Variants in EIF3M observed in about 807,000 individuals in gnomAD.
EIF3M encodes eukaryotic translation initiation factor 3 subunit M.
In EIF3M, 25 loss-of-function variants were observed where a neutral mutation model predicts 49.7. The observed-to-expected ratio is 0.50, with a 90% CI of 0.37 to 0.70. The LOEUF (loss-of-function observed/expected upper bound fraction) is 0.70, where lower values mean the gene tolerates loss of function less well. Ranked by LOEUF, EIF3M falls within the 30% of genes least tolerant of loss-of-function variation. The pLI is 0.00. For missense variants in EIF3M, 350 were observed against 440.0 expected, an observed-to-expected ratio of 0.80 and a Z score of 1.83; for synonymous variants, 156 against 149.8, an observed-to-expected ratio of 1.04 and a Z score of -0.30.
At chr11:32,593,064 T>C (rs2133198545) in intron 5 of EIF3M, among the ~76,000 whole-genome samples, 1 of 152,344 alleles carries the variant, frequency 6.6e-6, no homozygotes. Context: ...AGATAGCATT[T>C]ACCATTTTAA....
rs751408236 is a variant in EIF3M at position 32,588,663 on chromosome 11, T to G, written c.245T>G (p.Leu82Trp). 2 of 1,614,214 alleles carry G rather than the reference T, an allele frequency of 1.2e-6. No individual in the cohort carries two copies. Among genetic ancestry groups the G allele is most frequent in the Admixed American group, 1.7e-5 (1 of 60,020 alleles). ...CTGGAACCAGACAAGCAAGAAGCTT[T>G]GATTGAAAGCCTATGTGAAAAGCTG... ...LILEPDKQEA[L>W]IESLCEKLVK... The change falls in exon 3 of 11, where the codon TTG becomes TGG. Residue 82 changes from leucine (L) to tryptophan (W), a missense_variant. By Grantham distance (61) the Leu-to-Trp change is moderately conservative. Coordinates refer to ENST00000531120, the MANE Select transcript of EIF3M (RefSeq NM_006360.6).
chr11:32,594,773 C>G, intron 6 of EIF3M, 141 bp from the exon 7 acceptor site: 1 of 620,174 alleles, frequency 1.6e-6, no homozygotes, highest in South Asian at 2.5e-5. Flanking sequence ...TTAACCCAAT[C>G]CTGTAGCTTT....
intron 4 of EIF3M, 72 bp downstream of exon 4, chr11:32,589,207 A>G: frequency 2.5e-6 from 4 of 1,569,864 alleles, no homozygotes; most frequent in Non-Finnish European, 3.4e-6. Flanking sequence ...ACGGAGTTTC[A>G]CTGTTGTTGC....
At position 32,583,842 on chromosome 11, in the gene EIF3M, G is replaced by A; in HGVS notation, c.-46G>A. Reference sequence around the variant, plus strand: ...CGCGGCCCAGTTCCCTTTTCCGGTCGGCGTGGTCTTGCGAGTGGAGTGTCC... The same window carrying A: ...CGCGGCCCAGTTCCCTTTTCCGGTCAGCGTGGTCTTGCGAGTGGAGTGTCC... On this transcript the variant is annotated 5_prime_UTR_variant, in exon 1 of 11. Transcript: ENST00000531120. The A allele has an allele frequency of 1.2e-6, 2 of 1,602,052 alleles. No individual in the cohort carries two copies. Among genetic ancestry groups the A allele is most frequent in the Non-Finnish European group, 8.5e-7 (1 of 1,171,718 alleles).
In EIF3M at chr11:32,602,664, T is replaced by C. The variant is rs1370509078; in HGVS notation, c.*265T>C. Reference sequence around the variant, plus strand: ...ATAATATACAGAGAGAAGACAGAAGTAGAGTAATACAATTTCTTCACATTA... The same window carrying C: ...ATAATATACAGAGAGAAGACAGAAGCAGAGTAATACAATTTCTTCACATTA... On this transcript the variant is annotated 3_prime_UTR_variant, in exon 11 of 11. Coordinates refer to ENST00000531120, the MANE Select transcript of EIF3M (RefSeq NM_006360.6). 3 of 772,554 alleles carry C rather than the reference T, an allele frequency of 3.9e-6. No homozygotes were observed. In the African/African-American group the frequency reaches 5.3e-5, roughly 14 times the overall value. 47.9% of individuals were successfully genotyped at this position (772,554 alleles called of 1,614,324 possible).
chr11:32,592,983 G>A (rs942535855), intron 5 of EIF3M, among the ~76,000 whole-genome samples: 3 of 152,152 alleles, frequency 2.0e-5, no homozygotes, highest in African/African-American at 7.2e-5. Context: ...TTTAAGATGC[G>A]GGTTACCACT....
chr11:32,591,638 CTT>C (rs1225394156), intron 5 of EIF3M, among the ~76,000 whole-genome samples: 1 of 152,210 alleles, frequency 6.6e-6, no homozygotes. Flanking sequence ...GCTGCAGTAA[CTT>C]TTCTGACTGT....
chr11:32,601,024 A>G, intron 9 of EIF3M, 192 bp downstream of exon 9: 1 of 541,536 alleles, frequency 1.8e-6, no homozygotes. Flanking sequence ...GCTATATTCT[A>G]TCCCTTGAAA....
chr11:32,589,763 A>C (rs1271947169), intron 5 of EIF3M, 122 bp downstream of exon 5: 3 of 648,844 alleles, frequency 4.6e-6, no homozygotes, highest in Non-Finnish European at 7.5e-6. Context: ...AGTTGCTATA[A>C]ATCTATTTCT....
At chr11:32,601,025 TC>T (rs1301093397) in intron 9 of EIF3M, 193 bp downstream of exon 9, 1 of 540,906 alleles carries the variant, frequency 1.8e-6, no homozygotes, top group Non-Finnish European at 2.9e-6. Context: ...CTATATTCTA[TC>T]CCTTGAAATC....
At chr11:32,584,142 C>CA in intron 1 of EIF3M, 1 of 602,392 alleles carries the variant, frequency 1.7e-6, no homozygotes, top group Non-Finnish European at 2.9e-6. Flanking sequence ...CCCGACGCTT[C>CA]ACCGCCAGCT....
chr11:32,587,074 A>G lies in EIF3M; in HGVS notation c.105A>G (p.Glu35=), dbSNP rs2133192995. 1 of 1,612,904 alleles carries G rather than the reference A, an allele frequency of 6.2e-7. No homozygotes were observed. Among genetic ancestry groups the G allele is most frequent in the South Asian group, 1.1e-5 (1 of 90,966 alleles). Reference sequence around the variant, plus strand: ...CTGAGATTTCAGAAGAGAACTCGGAAGGTGGACTTCATGTTGATTTAGCTC... The same window carrying G: ...CTGAGATTTCAGAAGAGAACTCGGAGGGTGGACTTCATGTTGATTTAGCTC... ...KGAEISEENS[E]GGLHVDLAQI... The change falls in exon 2 of 11, where the codon GAA becomes GAG. Residue 35 remains glutamate, a synonymous_variant. Coordinates refer to ENST00000531120, the MANE Select transcript of EIF3M (RefSeq NM_006360.6).
At chr11:32,590,688 A>T (rs1272637673) in intron 5 of EIF3M, among the ~76,000 whole-genome samples, 1 of 152,136 alleles carries the variant, frequency 6.6e-6, no homozygotes, top group East Asian at 1.9e-4. Context: ...GCCAATCTAA[A>T]TGTTGAGAGT....
In EIF3M at chr11:32,593,961, C is replaced by T. The variant is rs1389546735; in HGVS notation, c.617+12C>T. The T allele has an allele frequency of 1.5e-5, 22 of 1,497,374 alleles. No individual in the cohort carries two copies. The highest frequency in any genetic ancestry group is 2.0e-5 in the Non-Finnish European group (22 of 1,120,216). 92.8% of individuals were successfully genotyped at this position (1,497,374 alleles called of 1,614,324 possible). A position where few individuals can be genotyped will look rare whatever the true frequency, so the allele number is the denominator to read the frequency against. On this transcript the variant is annotated intron_variant, in intron 6 of 10. Transcript: ENST00000531120. Reference sequence around the variant, plus strand: ...GTTGATGCCCACAGGTAATGTTAAACGTTACTCTGATGAGGGTTTGACAGC... The same window carrying T: ...GTTGATGCCCACAGGTAATGTTAAATGTTACTCTGATGAGGGTTTGACAGC...
chr11:32,593,085 A>G (rs1855127424), intron 5 of EIF3M, among the ~76,000 whole-genome samples: 2 of 152,254 alleles, frequency 1.3e-5, no homozygotes, highest in South Asian at 4.1e-4. Context: ...AATAAATGAT[A>G]CAGTTCCTGC....
In EIF3M at chr11:32,605,115, G is replaced by A. The variant is rs1855330778; in HGVS notation, c.*2716G>A. 1 of 149,910 alleles carries A rather than the reference G, an allele frequency of 6.7e-6. No individual in the cohort carries two copies. Among genetic ancestry groups the A allele is most frequent in the Admixed American group, 6.7e-5 (1 of 14,970 alleles). 9.3% of individuals were successfully genotyped at this position (149,910 alleles called of 1,614,324 possible). On this transcript the variant is annotated 3_prime_UTR_variant, in exon 11 of 11. Coordinates refer to ENST00000531120, the MANE Select transcript of EIF3M (RefSeq NM_006360.6). ...GATCCACCTGCCTCGGCCTCCCAAAGTGTTGGGATTACAGGCATGAGCCAC... is the reference window on the plus strand; with the variant it reads ...GATCCACCTGCCTCGGCCTCCCAAAATGTTGGGATTACAGGCATGAGCCAC...
rs367920217 is a variant in EIF3M at position 32,589,538 on chromosome 11, C to G, written c.439-9C>G. The stretch of plus-strand genomic sequence containing the variant: ...TACTCAGTTTTCTCCTTTTGTCAAT[C>G]TCTTGTAGGTTAGAAAATGGATTTC... On this transcript the variant is annotated splice_polypyrimidine_tract_variant and intron_variant, in intron 4 of 10. Transcript: ENST00000531120. The G allele has an allele frequency of 6.2e-7, 1 of 1,612,182 alleles. No homozygotes were observed. The highest frequency in any genetic ancestry group is 1.7e-5 in the Admixed American group (1 of 59,962).
chr11:32,587,108 G>A lies in EIF3M; in HGVS notation c.139G>A (p.Glu47Lys). 2 of 1,612,474 alleles carry A rather than the reference G, an allele frequency of 1.2e-6. No individual in the cohort carries two copies. The highest frequency in any genetic ancestry group is 1.7e-6 in the Non-Finnish European group (2 of 1,178,790). The change falls in exon 2 of 11, where the codon GAA becomes AAA. Residue 47 changes from glutamate (E) to lysine (K), a missense_variant. Coordinates refer to ENST00000531120, the MANE Select transcript of EIF3M (RefSeq NM_006360.6). ...TCATGTTGATTTAGCTCAAATTATTGAAGCCTGTGATGTGTGTCTGAAGGA... is the reference window on the plus strand; with the variant it reads ...TCATGTTGATTTAGCTCAAATTATTAAAGCCTGTGATGTGTGTCTGAAGGA... ...GLHVDLAQII[E>K]ACDVCLKEDD...
Position 32,600,834 on chromosome 11 carries a change from T to A in EIF3M, c.943+2T>A. 6.3e-7 allele frequency: 1 copy of A among 1,596,590 alleles called. No homozygotes were observed. The highest frequency in any genetic ancestry group is 1.4e-5 in the African/African-American group (1 of 72,560). On this transcript the variant is annotated splice_donor_variant, in intron 9 of 10. Transcript: ENST00000531120. LOFTEE classifies it high-confidence loss of function. Reference sequence around the variant, plus strand: ...ATGTTGAAGCATTTGTTATTGACGGTAAGGCAGACAGAACATTTTCATTTA... The same window carrying A: ...ATGTTGAAGCATTTGTTATTGACGGAAAGGCAGACAGAACATTTTCATTTA...
Sources: gnomAD v4.1 joint callset for allele counts (sites outside exome capture counted in the v4.1 genomes callset) on GRCh38, gnomAD v4.1.1 for gene constraint, MANE v1.5 for transcripts, NCBI Gene and HGNC (gene_info 2026-07-23, HGNC 2026-07-21) for gene names.